ANK2: variants seen among roughly 807,000 people sequenced by gnomAD.
ANK2 encodes ankyrin-2.
Under a neutral mutation model 360.5 loss-of-function variants are expected in ANK2, and 83 were observed. The ratio of observed to expected loss-of-function variants is 0.23; its 90% CI spans 0.19 to 0.28. The LOEUF (loss-of-function observed/expected upper bound fraction) is 0.28. ANK2 is among the 10% of genes least tolerant of loss of function. ANK2 has a pLI of 1.00. For missense variants in ANK2, 4,201 were observed against 4,795.7 expected (o/e 0.88, Z 3.66); for synonymous variants, 1,740 against 1,759.5 (o/e 0.99, Z 0.28).
At chr4:112,891,040 CA>C (rs1422386024) in intron 1 of ANK2, among the ~76,000 whole-genome samples, 1 of 152,116 alleles carries the variant, frequency 6.6e-6, no homozygotes, top group East Asian at 1.9e-4. Flanking sequence ...TTTTATGTTC[CA>C]GGTGTAAAGT....
At position 113,355,524 on chromosome 4, in the gene ANK2, C is replaced by T. The variant is rs139910215; in HGVS notation, c.6906C>T (p.Thr2302=). The T allele has an allele frequency of 2.2e-4, 351 of 1,614,016 alleles. 1 individual carries two copies. In the African/African-American group the frequency reaches 4.1e-3, roughly 19 times the overall value. ...RGATVTEDSE[T]STESFQKEAT... ...CCACAGTCACTGAGGACTCAGAGACCTCTACTGAGAGTTTTCAGAAAGAGG... is the reference window on the plus strand; with the variant it reads ...CCACAGTCACTGAGGACTCAGAGACTTCTACTGAGAGTTTTCAGAAAGAGG... The change falls in exon 38 of 46, where the codon ACC becomes ACT. Residue 2302 remains threonine (T), a synonymous_variant. Coordinates refer to ENST00000357077, the MANE Select transcript of ANK2 (RefSeq NM_001148.6).
chr4:113,309,545 G>T (rs761517932), intron 23 of ANK2, among the ~76,000 whole-genome samples: 1 of 152,060 alleles, frequency 6.6e-6, no homozygotes, highest in South Asian at 2.1e-4. Context: ...TTGAGACAGG[G>T]TCTTACTCTG....
At chr4:113,234,110 A>G (rs1563063774) in intron 5 of ANK2, among the ~76,000 whole-genome samples, 1 of 152,224 alleles carries the variant, frequency 6.6e-6, no homozygotes, top group Non-Finnish European at 1.5e-5. Flanking sequence ...TACCAAATAG[A>G]CTTAAGGTTT....
intron 1 of ANK2, among the ~76,000 whole-genome samples, chr4:112,861,445 G>A (rs1005572996): frequency 6.6e-6 from 1 of 152,186 alleles, no homozygotes; most frequent in South Asian, 2.1e-4. Context: ...TCTACTAGAA[G>A]TTTGTCCTAA....
intron 1 of ANK2, among the ~76,000 whole-genome samples, chr4:112,895,081 C>T (rs1283180576): frequency 1.3e-5 from 2 of 152,134 alleles, no homozygotes; most frequent in African/African-American, 4.8e-5. Flanking sequence ...AGATGAAGCA[C>T]CAATGTGCTG....
chr4:113,036,726 G>C (rs576782180), intron 2 of ANK2, among the ~76,000 whole-genome samples: 112 of 151,708 alleles, frequency 7.4e-4, no homozygotes, highest in African/African-American at 2.6e-3. Flanking sequence ...TAGATTTCTT[G>C]CATTTCTGTA....
chr4:112,726,851 CAAA>C, the ANK2 span, among the ~76,000 whole-genome samples: 3 of 69,396 alleles, frequency 4.3e-5, no homozygotes, highest in Non-Finnish European at 9.3e-5. Context: ...GACTCTGTCT[CAAA>C]AAAAAAAAAA....
chr4:112,901,521 G>C (rs2083345280), intron 1 of ANK2, among the ~76,000 whole-genome samples: 2 of 152,108 alleles, frequency 1.3e-5, no homozygotes, highest in South Asian at 4.1e-4. Flanking sequence ...TGTTACAAAT[G>C]GTTTTCAGTG....
intron 1 of ANK2, among the ~76,000 whole-genome samples, chr4:112,898,417 AT>A (rs1251487366): frequency 1.3e-5 from 2 of 152,094 alleles, no homozygotes; most frequent in Non-Finnish European, 2.9e-5. Context: ...ATATTGTGGG[AT>A]ATCCCTTTAT....
intron 2 of ANK2, among the ~76,000 whole-genome samples, chr4:113,044,212 C>T (rs773557302): frequency 2.6e-5 from 4 of 152,122 alleles, no homozygotes; most frequent in Non-Finnish European, 1.5e-5. Flanking sequence ...GAAAAAGTTA[C>T]TTGTGTCCTA....
intron 22 of ANK2, among the ~76,000 whole-genome samples, chr4:113,294,788 T>TA (rs559566028): frequency 1.6e-3 from 245 of 152,312 alleles, no homozygotes; most frequent in African/African-American, 5.5e-3. Flanking sequence ...CTTTGATAAA[T>TA]TATATAGGAG....
At chr4:113,150,875 C>T (rs2097047632) in intron 1 of ANK2, among the ~76,000 whole-genome samples, 1 of 152,156 alleles carries the variant, frequency 6.6e-6, no homozygotes, top group Non-Finnish European at 1.5e-5. Flanking sequence ...AGAATTTGAA[C>T]TATATACTAG....
At chr4:113,138,520 G>C (rs2096526077) in intron 1 of ANK2, among the ~76,000 whole-genome samples, 2 of 152,176 alleles carry the variant, frequency 1.3e-5, no homozygotes, top group South Asian at 4.1e-4. Flanking sequence ...CAGATATTTA[G>C]TTTGAACTTA....
At chr4:112,870,472 G>C (rs2072554976) in intron 1 of ANK2, among the ~76,000 whole-genome samples, 1 of 152,102 alleles carries the variant, frequency 6.6e-6, no homozygotes. Flanking sequence ...TCCACTTTAA[G>C]TTAATTTTCC....
At chr4:113,086,799 G>C (rs2085028470) in intron 1 of ANK2, among the ~76,000 whole-genome samples, 1 of 152,170 alleles carries the variant, frequency 6.6e-6, no homozygotes, top group Non-Finnish European at 1.5e-5. Flanking sequence ...GTCAGGGTAA[G>C]TCCATTCCTG....
intron 45 of ANK2, among the ~76,000 whole-genome samples, chr4:113,376,183 G>T (rs1319564038): frequency 6.6e-6 from 1 of 152,144 alleles, no homozygotes; most frequent in East Asian, 1.9e-4. Context: ...CTTTGTCATT[G>T]TGTGAACATT....
chr4:113,277,630 T>C (rs1216159590), intron 15 of ANK2, among the ~76,000 whole-genome samples: 3 of 152,230 alleles, frequency 2.0e-5, no homozygotes, highest in Non-Finnish European at 4.4e-5. Flanking sequence ...ATAAAATTTC[T>C]TTTATTCAGT....
At chr4:112,893,510 AC>A (rs2080789993) in intron 1 of ANK2, among the ~76,000 whole-genome samples, 1 of 152,156 alleles carries the variant, frequency 6.6e-6, no homozygotes, top group Non-Finnish European at 1.5e-5. Context: ...TTTTGACATT[AC>A]TTTTAATGGC....
intron 1 of ANK2, among the ~76,000 whole-genome samples, chr4:112,858,501 G>A (rs1420108056): frequency 6.6e-6 from 1 of 152,110 alleles, no homozygotes; most frequent in East Asian, 1.9e-4. Context: ...TTGAACTTGG[G>A]TTTCCAAAGT....
Sources: allele counts gnomAD v4.1 joint callset (sites outside exome capture counted in the v4.1 genomes callset), GRCh38; gene constraint gnomAD v4.1.1; transcripts MANE v1.5; gene names NCBI Gene and HGNC (gene_info 2026-07-23, HGNC 2026-07-21).